HIPK2: variants seen among roughly 807,000 people sequenced by gnomAD.
The protein encoded by HIPK2 is homeodomain-interacting protein kinase 2.
Under a neutral mutation model 113.7 loss-of-function variants are expected in HIPK2, and 27 were observed. That is an observed-to-expected ratio of 0.24 (90% confidence interval 0.17 to 0.33). The LOEUF (loss-of-function observed/expected upper bound fraction) is 0.33, where lower values mean the gene tolerates loss of function less well. Among genes scored for constraint, HIPK2 ranks in the 10% least tolerant of loss-of-function variants. The probability of loss-of-function intolerance (pLI) is 1.00; values close to 1 mark genes in which losing one functional copy is unlikely to be tolerated. For synonymous variants in HIPK2, 631 were observed against 642.2 expected, an observed-to-expected ratio of 0.98 and a Z score of 0.26; for missense variants, 1,257 against 1,588.0, an observed-to-expected ratio of 0.79 and a Z score of 3.54.
chr7:139,670,668 G>T (rs1802234381), intron 2 of HIPK2, among the ~76,000 whole-genome samples: 1 of 151,462 alleles, frequency 6.6e-6, no homozygotes, highest in African/African-American at 2.4e-5. Flanking sequence ...CTATTAAAAA[G>T]GGAGGTGTGT....
intron 1 of HIPK2, among the ~76,000 whole-genome samples, chr7:139,731,164 T>G (rs1377368873): frequency 6.6e-6 from 1 of 152,236 alleles, no homozygotes; most frequent in East Asian, 1.9e-4. Flanking sequence ...AAGGCATGTC[T>G]GTACTCAAGC....
chr7:139,740,321 C>G (rs1796062914), intron 1 of HIPK2, among the ~76,000 whole-genome samples: 2 of 152,220 alleles, frequency 1.3e-5, no homozygotes, highest in African/African-American at 4.8e-5. Flanking sequence ...GCATGCTTAG[C>G]CTGGTATCGC....
chr7:139,568,514 T>C lies in HIPK2; in HGVS notation c.*4413A>G, dbSNP rs928794031. On this transcript the variant is annotated 3_prime_UTR_variant, in exon 15 of 15. Transcript: ENST00000406875. The stretch of plus-strand genomic sequence containing the variant: ...TCAGAACCCAGTGAGCAGAAGCAAA[T>C]TGCCCTGCGGTTCACCAGGCTCCAG... 1 of 152,122 alleles carries C rather than the reference T, an allele frequency of 6.6e-6. No individual in the cohort carries two copies. Among genetic ancestry groups the C allele is most frequent in the African/African-American group, 2.4e-5 (1 of 41,382 alleles). 9.4% of individuals were successfully genotyped at this position (152,122 alleles called of 1,614,324 possible).
chr7:139,738,439 G>C (rs1171542127), intron 1 of HIPK2, among the ~76,000 whole-genome samples: 1 of 152,204 alleles, frequency 6.6e-6, no homozygotes, highest in Admixed American at 6.5e-5. Flanking sequence ...TGTGACTGAG[G>C]AACTGAATGT....
chr7:139,614,057 T>C (rs901587836), intron 8 of HIPK2, among the ~76,000 whole-genome samples: 4 of 152,190 alleles, frequency 2.6e-5, no homozygotes, highest in African/African-American at 7.2e-5. Flanking sequence ...CCCTGGCAGG[T>C]GTGAGAGTCA....
At chr7:139,645,088 G>C (rs1801160764) in intron 2 of HIPK2, among the ~76,000 whole-genome samples, 1 of 152,224 alleles carries the variant, frequency 6.6e-6, no homozygotes, top group Non-Finnish European at 1.5e-5. Flanking sequence ...ACAACAGGCA[G>C]AAGAAACACG....
At chr7:139,677,234 TTATA>T (rs1460552985) in intron 2 of HIPK2, among the ~76,000 whole-genome samples, 2 of 124,740 alleles carry the variant, frequency 1.6e-5, no homozygotes, top group African/African-American at 6.2e-5. Flanking sequence ...GGGGCTGATA[TTATA>T]TATATTATAT....
intron 5 of HIPK2, among the ~76,000 whole-genome samples, chr7:139,627,771 G>A (rs570735148): frequency 6.6e-6 from 1 of 152,268 alleles, no homozygotes; most frequent in Admixed American, 6.5e-5. Context: ...GGGTTGCCCT[G>A]GTTTCAGACT....
Position 139,626,164 on chromosome 7 carries a change from G to A in HIPK2, c.1619+437C>T, listed in dbSNP as rs556532634. Among the ~76,000 whole-genome samples the A allele has an allele frequency of 1.9e-4, 29 of 150,672 alleles. No homozygotes were observed. In the South Asian group the frequency reaches 4.8e-3, roughly 25 times the overall value. On this transcript the variant is annotated intron_variant, in intron 6 of 14. Transcript: ENST00000406875. ...GTCGCCCAGGCTGGAGTGCAATGGCGCGATCTCGGCTCACTGCAACCTCTG... is the reference window on the plus strand; with the variant it reads ...GTCGCCCAGGCTGGAGTGCAATGGCACGATCTCGGCTCACTGCAACCTCTG...
chr7:139,761,573 C>T (rs375866891), intron 1 of HIPK2, among the ~76,000 whole-genome samples: 3 of 152,288 alleles, frequency 2.0e-5, no homozygotes, highest in African/African-American at 7.2e-5. Context: ...AAAGAAGCAA[C>T]CTCACACTCT....
chr7:139,627,503 A>G (rs1800474900), intron 5 of HIPK2, among the ~76,000 whole-genome samples: 1 of 152,216 alleles, frequency 6.6e-6, no homozygotes, highest in Admixed American at 6.5e-5. Flanking sequence ...ATCTGAACAC[A>G]GGATTTTTCT....
chr7:139,777,492 T>TG (rs1796798536), intron 1 of HIPK2, 113 bp downstream of exon 1: 1 of 282,150 alleles, frequency 3.5e-6, no homozygotes, highest in Admixed American at 6.4e-5. Context: ...GGGCCCCGGG[T>TG]GGGGGCTGGG....
At chr7:139,619,920 C>T (rs1358033836) in intron 7 of HIPK2, among the ~76,000 whole-genome samples, 3 of 152,144 alleles carry the variant, frequency 2.0e-5, no homozygotes, top group African/African-American at 7.2e-5. Context: ...ACCACCATAC[C>T]CAGCTAATTT....
At chr7:139,776,321 TAC>T (rs1262940021) in intron 1 of HIPK2, among the ~76,000 whole-genome samples, 1 of 152,210 alleles carries the variant, frequency 6.6e-6, no homozygotes, top group Admixed American at 6.5e-5. Flanking sequence ...ATAGGTTATT[TAC>T]AGCCTCGTTA....
chr7:139,626,726 C>T lies in HIPK2; in HGVS notation c.1494G>A (p.Arg498=). 2.5e-6 allele frequency: 4 copies of T among 1,613,928 alleles called. No homozygotes were observed. The highest frequency in any genetic ancestry group is 3.4e-6 in the Non-Finnish European group (4 of 1,179,900). The change falls in exon 6 of 15, where the codon CGG becomes CGA. Residue 498 remains arginine (R), a synonymous_variant. Transcript: ENST00000406875. ...SDMLVEKADR[R]EFIDLLKKML... ...TCTTCTTCAACAGGTCAATGAACTC[C>T]CGCCGGTCAGCCTTTTCTACCAACA...
intron 13 of HIPK2, 61 bp downstream of exon 13, chr7:139,583,756 A>T (rs1430698464): frequency 6.4e-7 from 1 of 1,569,212 alleles, no homozygotes; most frequent in African/African-American, 1.4e-5. Context: ...TTCTAGCAGC[A>T]GAAAAGCAGG....
At chr7:139,715,632 C>G (rs1795206306) in intron 2 of HIPK2, among the ~76,000 whole-genome samples, 1 of 152,194 alleles carries the variant, frequency 6.6e-6, no homozygotes, top group Non-Finnish European at 1.5e-5. Context: ...CTCTCTCCAC[C>G]ACCTGTCTGG....
chr7:139,750,555 C>T (rs1367539950), intron 1 of HIPK2, among the ~76,000 whole-genome samples: 2 of 152,216 alleles, frequency 1.3e-5, no homozygotes, highest in Non-Finnish European at 2.9e-5. Context: ...GGCACGTAGA[C>T]TGGCAGTTCT....
At chr7:139,600,306 C>G in intron 11 of HIPK2, 111 bp downstream of exon 11, 1 of 1,236,462 alleles carries the variant, frequency 8.1e-7, no homozygotes, top group Non-Finnish European at 1.1e-6. Flanking sequence ...TGCCCCCATC[C>G]CATGCAACTG....
Sources: allele counts gnomAD v4.1 joint callset (sites outside exome capture counted in the v4.1 genomes callset), GRCh38; gene constraint gnomAD v4.1.1; transcripts MANE v1.5; gene names NCBI Gene and HGNC (gene_info 2026-07-23, HGNC 2026-07-21).